ZNF395: variants seen among roughly 807,000 people sequenced by gnomAD.
ZNF395 encodes HD gene regulatory region-binding protein 2.
In ZNF395, 20 loss-of-function variants were observed where a neutral mutation model predicts 57.7. The ratio of observed to expected loss-of-function variants is 0.35; its 90% CI spans 0.24 to 0.50. The LOEUF is 0.50. ZNF395 is among the 20% of genes least tolerant of loss of function. ZNF395 has a pLI of 0.97. For missense variants in ZNF395, 606 were observed against 671.2 expected (o/e 0.90, Z 1.07); for synonymous variants, 295 against 275.9 (o/e 1.07, Z -0.69).
At chr8:28,376,761 G>A (rs898318069) in intron 1 of ZNF395, among the ~76,000 whole-genome samples, 3 of 152,114 alleles carry the variant, frequency 2.0e-5, no homozygotes, top group African/African-American at 4.8e-5. Context: ...AGAGACAAAG[G>A]AGACTAAGGC....
In ZNF395 at chr8:28,360,905, C is replaced by T. The variant is rs995692704; in HGVS notation, c.220G>A (p.Ala74Thr). Residue 74 changes from alanine (A) to threonine (T), a missense_variant, in exon 2 of 10, where the codon GCC (alanine) becomes ACC (threonine). Ala to Thr is a moderately conservative substitution (Grantham distance 58). Transcript: ENST00000344423. ...CCTACCTTCTGCCCAGGCTGAAAGGCCACCTGCTGAAGGCCCGAGGTGCTG... is the reference window on the plus strand; with the variant it reads ...CCTACCTTCTGCCCAGGCTGAAAGGTCACCTGCTGAAGGCCCGAGGTGCTG... ...APSTSGLQQV[A>T]FQPGQKVYVW... 6.2e-7 allele frequency: 1 copy of T among 1,613,868 alleles called. No individual in the cohort carries two copies. The highest frequency in any genetic ancestry group is 8.5e-7 in the Non-Finnish European group (1 of 1,179,954).
chr8:28,362,885 A>G (rs1801866877), intron 1 of ZNF395, among the ~76,000 whole-genome samples: 1 of 152,246 alleles, frequency 6.6e-6, no homozygotes. Flanking sequence ...GTTAGAATCT[A>G]CTGGCATAGT....
At position 28,347,461 on chromosome 8, in the gene ZNF395, C is replaced by A. The variant is rs1437249561; in HGVS notation, c.*1258G>T. 6.6e-6 allele frequency: 1 copy of A among 152,316 alleles called. No individual in the cohort carries two copies. The highest frequency in any genetic ancestry group is 1.5e-5 in the Non-Finnish European group (1 of 68,130). 9.4% of individuals were successfully genotyped at this position (152,316 alleles called of 1,614,324 possible). A position where few individuals can be genotyped will look rare whatever the true frequency, so the allele number is the denominator to read the frequency against. ...CGCAGGGCTGGTTGGCATGGTGCTACACTCCCGAGACCTCCCTCCTTCTCC... is the reference window on the plus strand; with the variant it reads ...CGCAGGGCTGGTTGGCATGGTGCTAAACTCCCGAGACCTCCCTCCTTCTCC... On this transcript the variant is annotated 3_prime_UTR_variant, in exon 10 of 10. Coordinates refer to ENST00000344423, the MANE Select transcript of ZNF395 (RefSeq NM_018660.3).
intron 1 of ZNF395, among the ~76,000 whole-genome samples, chr8:28,372,134 G>A (rs191499486): frequency 2.9e-4 from 44 of 152,084 alleles, no homozygotes; most frequent in African/African-American, 7.7e-4. Context: ...GTTTCCTCAC[G>A]TGCAAAATGA....
intron 1 of ZNF395, among the ~76,000 whole-genome samples, chr8:28,370,706 G>A (rs369162441): frequency 2.0e-5 from 3 of 152,158 alleles, no homozygotes; most frequent in Non-Finnish European, 2.9e-5. Flanking sequence ...AATCAGCACC[G>A]GGTGCTGGTG....
At chr8:28,369,310 A>G (rs915241808) in intron 1 of ZNF395, among the ~76,000 whole-genome samples, 4 of 152,176 alleles carry the variant, frequency 2.6e-5, no homozygotes, top group African/African-American at 9.7e-5. Flanking sequence ...TGTCACTTCA[A>G]TGAATGATCA....
At chr8:28,362,526 TG>T (rs1801862810) in intron 1 of ZNF395, among the ~76,000 whole-genome samples, 1 of 152,202 alleles carries the variant, frequency 6.6e-6, no homozygotes, top group Non-Finnish European at 1.5e-5. Flanking sequence ...CCAGTGCCTA[TG>T]GGGCTAATTC....
At chr8:28,349,613 T>A (rs1265494384) in intron 8 of ZNF395, among the ~76,000 whole-genome samples, 1 of 152,234 alleles carries the variant, frequency 6.6e-6, no homozygotes, top group Non-Finnish European at 1.5e-5. Flanking sequence ...TAGGTAGAGT[T>A]CAAAATGACT....
At chr8:28,349,089 A>C in intron 9 of ZNF395, 36 bp downstream of exon 9, 1 of 1,551,472 alleles carries the variant, frequency 6.4e-7, no homozygotes. Flanking sequence ...CAGGGCACAG[A>C]AACCAGAAGG....
chr8:28,358,151 CT>C (rs746800075), intron 3 of ZNF395, among the ~76,000 whole-genome samples: 9,347 of 101,322 alleles, frequency 0.092, 305 homozygotes, highest in African/African-American at 0.26. Flanking sequence ...TCTTTTTTTT[CT>C]TTTTTTTTTT....
intron 1 of ZNF395, among the ~76,000 whole-genome samples, chr8:28,363,166 T>C (rs1025975523): frequency 2.0e-5 from 3 of 151,832 alleles, no homozygotes; most frequent in African/African-American, 7.3e-5. Flanking sequence ...GAGTCTCACT[T>C]TGTTGCCCAG....
intron 6 of ZNF395, 60 bp from the exon 7 acceptor site, chr8:28,351,867 G>A: frequency 6.7e-7 from 1 of 1,495,416 alleles, no homozygotes; most frequent in African/African-American, 1.4e-5. Context: ...AACCCAGCGG[G>A]GACCGCGGTA....
rs35382607 is a variant in ZNF395 at position 28,350,085 on chromosome 8, G to A, written c.1305C>T (p.Ser435=). The part of the protein sequence containing the change: ...YTSVSWAAAP[S]AACSLSPVRS... The stretch of plus-strand genomic sequence containing the variant: ...TCACCGGAGAGAGAGAGCAGGCGGC[G>A]GAGGGGGCAGCAGCCCAGCTGACAC... Residue 435 remains serine (S), a synonymous_variant, in exon 8 of 10, where the codon TCC becomes TCT. Coordinates refer to ENST00000344423, the MANE Select transcript of ZNF395 (RefSeq NM_018660.3). 734 of 1,605,380 alleles carry A rather than the reference G, an allele frequency of 4.6e-4. 5 individuals carry two copies. Among genetic ancestry groups the A allele is most frequent in the South Asian group, 1.9e-4 (17 of 89,350 alleles).
intron 1 of ZNF395, among the ~76,000 whole-genome samples, chr8:28,374,256 T>C (rs1054790930): frequency 1.2e-4 from 18 of 152,144 alleles, no homozygotes; most frequent in African/African-American, 1.2e-4. Flanking sequence ...CCACAGCCAA[T>C]GCACTTAACT....
chr8:28,353,506 A>G (rs1201623488), intron 4 of ZNF395, 98 bp from the exon 5 acceptor site: 2 of 937,064 alleles, frequency 2.1e-6, no homozygotes, highest in Non-Finnish European at 3.1e-6. Context: ...GAGTTCATTC[A>G]TGGCAGCAAT....
rs996588081 is a variant in ZNF395, at chr8:28,348,099, G to A, written c.*620C>T. 2.6e-5 allele frequency: 4 copies of A among 152,136 alleles called. No homozygotes were observed. Among genetic ancestry groups the A allele is most frequent in the African/African-American group, 9.7e-5 (4 of 41,404 alleles). 9.4% of individuals were successfully genotyped at this position (152,136 alleles called of 1,614,324 possible). On this transcript the variant is annotated 3_prime_UTR_variant, in exon 10 of 10. Transcript: ENST00000344423. ...TTTGTTGGGGTGCAACCCAATGTCT[G>A]AGGGAACCCAGATTTAAGTCGTCAC...
chr8:28,371,901 TACCTGG>T (rs1399411415), intron 1 of ZNF395, among the ~76,000 whole-genome samples: 1 of 152,040 alleles, frequency 6.6e-6, no homozygotes, highest in Non-Finnish European at 1.5e-5. Context: ...ATACAAAAGT[TACCTGG>T]ACATGATGGT....
rs1215934143 is a variant in ZNF395 at position 28,346,307 on chromosome 8, A to C, written c.*2412T>G. 3.9e-5 allele frequency: 6 copies of C among 152,178 alleles called. No individual in the cohort carries two copies. The highest frequency in any genetic ancestry group is 6.5e-5 in the Admixed American group (1 of 15,272). The allele number at this position is 152,178 out of a possible 1,614,324, so 9.4% of individuals were successfully genotyped here. ...AGATACAAAGAAGAAAGTAGGCATG[A>C]TCACTGGGTCGGTTCCCAAGCCACC... On this transcript the variant is annotated 3_prime_UTR_variant, in exon 10 of 10. Coordinates refer to ENST00000344423, the MANE Select transcript of ZNF395 (RefSeq NM_018660.3).
Position 28,348,537 on chromosome 8 carries a change from A to T in ZNF395, c.*182T>A, listed in dbSNP as rs935829029. 43 of 600,102 alleles carry T rather than the reference A, an allele frequency of 7.2e-5. No individual in the cohort carries two copies. Among genetic ancestry groups the T allele is most frequent in the Non-Finnish European group, 9.4e-5 (32 of 339,636 alleles). 37.2% of individuals were successfully genotyped at this position (600,102 alleles called of 1,614,324 possible). A position where few individuals can be genotyped will look rare whatever the true frequency, so the allele number is the denominator to read the frequency against. On this transcript the variant is annotated 3_prime_UTR_variant, in exon 10 of 10. Transcript: ENST00000344423. ...AAAAATATTTTTGTTTCTTTTTTTTAAAAAATAAAATGTTCGCACAATGGG... is the reference window on the plus strand; with the variant it reads ...AAAAATATTTTTGTTTCTTTTTTTTTAAAAATAAAATGTTCGCACAATGGG...
Sources: allele counts gnomAD v4.1 joint callset (sites outside exome capture counted in the v4.1 genomes callset), GRCh38; gene constraint gnomAD v4.1.1; transcripts MANE v1.5; gene names NCBI Gene and HGNC (gene_info 2026-07-23, HGNC 2026-07-21).